The following GRIN2B variants were observed in gnomAD, a reference collection of about 807,000 sequenced individuals.
GRIN2B encodes the protein glutamate ionotropic receptor NMDA type subunit 2B, also known as glutamate receptor ionotropic, NMDA 2B.
Under a neutral mutation model 114.5 loss-of-function variants are expected in GRIN2B, and 5 were observed. The ratio of observed to expected loss-of-function variants is 0.04; its 90% CI spans 0.02 to 0.09. The LOEUF is 0.09. Among genes scored for constraint, GRIN2B ranks in the 10% least tolerant of loss-of-function variants. The probability of loss-of-function intolerance (pLI) is 1.00; values close to 1 mark genes in which losing one functional copy is unlikely to be tolerated. For missense variants in GRIN2B, 1,108 were observed against 1,943.5 expected (o/e 0.57, Z 8.08); for synonymous variants, 787 against 745.1 (o/e 1.06, Z -0.92).
intron 3 of GRIN2B, among the ~76,000 whole-genome samples, chr12:13,780,236 A>C (rs917958182): frequency 6.6e-6 from 1 of 152,174 alleles, no homozygotes; most frequent in Non-Finnish European, 1.5e-5. Flanking sequence ...AGTGATAAGC[A>C]CAATTTTTAT....
In GRIN2B at chr12:13,541,913, A is replaced by G. The variant is rs1162339456; in HGVS notation, c.*20870T>C. 6.6e-6 allele frequency: 1 copy of G among 152,256 alleles called. No homozygotes were observed. Among genetic ancestry groups the G allele is most frequent in the African/African-American group, 2.4e-5 (1 of 41,438 alleles). The allele number at this position is 152,256 out of a possible 1,614,324, so 9.4% of individuals were successfully genotyped here. On this transcript the variant is annotated 3_prime_UTR_variant, in exon 14 of 14. Coordinates refer to ENST00000609686, the MANE Select transcript of GRIN2B (RefSeq NM_000834.5). ...TGCAGTGTCTCTGGGGGCAGACTCT[A>G]GGTTGCTCTTGCTAAATCTCCAAAT...
intron 4 of GRIN2B, among the ~76,000 whole-genome samples, chr12:13,718,893 C>T (rs1403759222): frequency 2.0e-5 from 3 of 152,036 alleles, no homozygotes; most frequent in East Asian, 1.9e-4. Flanking sequence ...TCACCACTTG[C>T]ACAGGGACTA....
At chr12:13,684,763 T>C (rs1950162446) in intron 4 of GRIN2B, among the ~76,000 whole-genome samples, 3 of 152,104 alleles carry the variant, frequency 2.0e-5, no homozygotes, top group Admixed American at 2.0e-4. Flanking sequence ...CAGCCCAGAG[T>C]AGGTAGGCTA....
At chr12:13,633,243 G>A (rs931333095) in intron 5 of GRIN2B, among the ~76,000 whole-genome samples, 4 of 152,196 alleles carry the variant, frequency 2.6e-5, no homozygotes, top group Non-Finnish European at 4.4e-5. Context: ...CCCCAAGACC[G>A]GCAGCATGGG....
At chr12:13,774,842 C>A (rs904789153) in intron 3 of GRIN2B, among the ~76,000 whole-genome samples, 19 of 152,084 alleles carry the variant, frequency 1.2e-4, no homozygotes, top group African/African-American at 3.4e-4. Flanking sequence ...GTTTTTACAC[C>A]CAGAATATAC....
chr12:13,591,553 G>T (rs1757570962), intron 10 of GRIN2B, among the ~76,000 whole-genome samples: 1 of 152,144 alleles, frequency 6.6e-6, no homozygotes, highest in South Asian at 2.1e-4. Flanking sequence ...TCTTGTCTTA[G>T]TTTTCTCTAC....
chr12:13,658,168 T>C (rs1425805016), intron 5 of GRIN2B, among the ~76,000 whole-genome samples: 2 of 150,876 alleles, frequency 1.3e-5, no homozygotes, highest in East Asian at 3.9e-4. Flanking sequence ...GATTGTGCCA[T>C]TGCACTCCAG....
chr12:13,775,223 C>T (rs1289954524), intron 3 of GRIN2B, among the ~76,000 whole-genome samples: 2 of 152,138 alleles, frequency 1.3e-5, no homozygotes. Flanking sequence ...CTAGATCTAG[C>T]AGAGGAGCAA....
chr12:13,890,957 T>C (rs892145658), intron 2 of GRIN2B, among the ~76,000 whole-genome samples: 2 of 152,192 alleles, frequency 1.3e-5, no homozygotes, highest in Non-Finnish European at 2.9e-5. Flanking sequence ...ATGAGGCCTC[T>C]TAAGGCAATG....
At chr12:13,783,815 A>G (rs1864166721) in intron 3 of GRIN2B, among the ~76,000 whole-genome samples, 1 of 152,216 alleles carries the variant, frequency 6.6e-6, no homozygotes, top group African/African-American at 2.4e-5. Flanking sequence ...TGCTGGCCAG[A>G]CTTGGTGTAG....
chr12:13,671,969 A>C (rs77303457), intron 5 of GRIN2B, among the ~76,000 whole-genome samples: 1,893 of 152,258 alleles, frequency 0.012, 37 homozygotes, highest in African/African-American at 0.043. Flanking sequence ...ACTGTTAGAC[A>C]GTGTGACGGG....
In GRIN2B at chr12:13,912,424, T is replaced by C. The variant is rs114707938; in HGVS notation, c.-18-46198A>G. Among the ~76,000 whole-genome samples, 698 of 152,326 alleles carry C rather than the reference T, an allele frequency of 4.6e-3. 5 individuals are homozygous for C. Among genetic ancestry groups the C allele is most frequent in the African/African-American group, 0.016 (659 of 41,576 alleles). Reference sequence around the variant, plus strand: ...AAAGGAAATGATGGGTGAACAACGCTGAAAGGAATTAATACTCCTATTGAA... The same window carrying C: ...AAAGGAAATGATGGGTGAACAACGCCGAAAGGAATTAATACTCCTATTGAA... On this transcript the variant is annotated intron_variant, in intron 2 of 13. Transcript: ENST00000609686.
chr12:13,943,858 C>T (rs982010786), intron 2 of GRIN2B, among the ~76,000 whole-genome samples: 2 of 152,122 alleles, frequency 1.3e-5, no homozygotes, highest in African/African-American at 2.4e-5. Flanking sequence ...TGCATCTCTT[C>T]GTTTATTGTC....
intron 3 of GRIN2B, among the ~76,000 whole-genome samples, chr12:13,832,606 G>A (rs1865171100): frequency 6.6e-6 from 1 of 152,072 alleles, no homozygotes; most frequent in South Asian, 2.1e-4. Context: ...TGTATTTATA[G>A]AAATGACATT....
At chr12:13,897,199 A>G (rs933411203) in intron 2 of GRIN2B, among the ~76,000 whole-genome samples, 1 of 152,160 alleles carries the variant, frequency 6.6e-6, no homozygotes, top group African/African-American at 2.4e-5. Flanking sequence ...CCAACTCAGC[A>G]TATTTCCTCA....
At chr12:13,575,695 A>C (rs757057773) in intron 10 of GRIN2B, among the ~76,000 whole-genome samples, 7 of 148,240 alleles carry the variant, frequency 4.7e-5, no homozygotes, top group African/African-American at 1.0e-4. Flanking sequence ...TAATAATAAT[A>C]ATCAAAATAA....
chr12:13,894,684 C>T (rs186562667), intron 2 of GRIN2B, among the ~76,000 whole-genome samples: 4 of 151,976 alleles, frequency 2.6e-5, no homozygotes, highest in East Asian at 1.9e-4. Flanking sequence ...TTAAACATTG[C>T]TTAAGTATAT....
intron 2 of GRIN2B, among the ~76,000 whole-genome samples, chr12:13,938,371 T>C (rs1025403303): frequency 2.0e-5 from 3 of 152,106 alleles, no homozygotes; most frequent in Non-Finnish European, 2.9e-5. Context: ...AGTAAAAGGA[T>C]AGAAAAAGCT....
At chr12:13,865,658 A>G (rs1865814994) in intron 3 of GRIN2B, 140 bp downstream of exon 3, 1 of 796,834 alleles carries the variant, frequency 1.3e-6, no homozygotes, top group African/African-American at 1.7e-5. Flanking sequence ...AAAAAAAAGG[A>G]TTAATTGCTG....
Sources: allele counts gnomAD v4.1 joint callset (sites outside exome capture counted in the v4.1 genomes callset), GRCh38; gene constraint gnomAD v4.1.1; transcripts MANE v1.5; gene names NCBI Gene and HGNC (gene_info 2026-07-23, HGNC 2026-07-21).